The following SH3RF1 variants were observed in gnomAD, a reference collection of about 807,000 sequenced individuals.
The protein encoded by SH3RF1 is E3 ubiquitin-protein ligase SH3RF1.
Under a neutral mutation model 74.0 loss-of-function variants are expected in SH3RF1, and 32 were observed. The ratio of observed to expected loss-of-function variants is 0.43; its 90% CI spans 0.33 to 0.58. The LOEUF (loss-of-function observed/expected upper bound fraction) is 0.58. Ranked by LOEUF, SH3RF1 falls within the 20% of genes least tolerant of loss-of-function variation. The probability of loss-of-function intolerance (pLI) is 0.05; values close to 1 mark genes in which losing one functional copy is unlikely to be tolerated. For synonymous variants in SH3RF1, 396 were observed against 439.6 expected (o/e 0.90, Z 1.24); for missense variants, 954 against 1,130.9 (o/e 0.84, Z 2.24).
At chr4:169,195,510 ACTG>A (rs1219029143) in intron 2 of SH3RF1, among the ~76,000 whole-genome samples, 1 of 152,184 alleles carries the variant, frequency 6.6e-6, no homozygotes, top group Non-Finnish European at 1.5e-5. Flanking sequence ...CTATTCAAAT[ACTG>A]CGGTGCTCCA....
chr4:169,126,936 G>A (rs1462916944), intron 6 of SH3RF1, among the ~76,000 whole-genome samples: 1 of 152,204 alleles, frequency 6.6e-6, no homozygotes, highest in African/African-American at 2.4e-5. Flanking sequence ...AATTGGCCAT[G>A]AGTGGTATTT....
In SH3RF1 at chr4:169,095,429, C is replaced by A. The variant is rs1187726611; in HGVS notation, c.*1090G>T. ...ACAGGAAATCGCAATGAAATATACA[C>A]ACCATGCACAGTCTATATTACTGTG... On this transcript the variant is annotated 3_prime_UTR_variant, in exon 12 of 12. Transcript: ENST00000284637. 1 of 152,632 alleles carries A rather than the reference C, an allele frequency of 6.6e-6. No homozygotes were observed. The highest frequency in any genetic ancestry group is 1.5e-5 in the Non-Finnish European group (1 of 68,040). 9.5% of individuals were successfully genotyped at this position (152,632 alleles called of 1,614,324 possible).
chr4:169,177,266 T>G (rs1220754930), intron 2 of SH3RF1, among the ~76,000 whole-genome samples: 2 of 152,212 alleles, frequency 1.3e-5, no homozygotes, highest in Non-Finnish European at 2.9e-5. Context: ...TGGTTTTGCT[T>G]ATCTTTCTGC....
At chr4:169,261,116 A>G (rs1048821503) in intron 2 of SH3RF1, among the ~76,000 whole-genome samples, 4 of 152,180 alleles carry the variant, frequency 2.6e-5, no homozygotes, top group Non-Finnish European at 4.4e-5. Context: ...ACCACTCTGC[A>G]TGGAGCTTAG....
chr4:169,269,188 G>T lies in SH3RF1; in HGVS notation c.25C>A (p.Leu9Ile), dbSNP rs745900126. 2 of 1,594,986 alleles carry T rather than the reference G, an allele frequency of 1.3e-6. No homozygotes were observed. The highest frequency in any genetic ancestry group is 2.2e-5 in the East Asian group (1 of 44,702). MDESALLD[L>I]LECPVCLERL... ...TCTAGACACACCGGACACTCCAAAA[G>T]ATCCAACAAGGCTGATTCATCCATC... is the stretch of plus-strand genomic sequence containing the variant. The change falls in exon 2 of 12, where the codon CTT (leucine) becomes ATT (isoleucine). Residue 9 changes from leucine to isoleucine, a missense_variant. Physicochemically the swap from Leu to Ile is conservative, Grantham distance 5. Coordinates refer to ENST00000284637, the MANE Select transcript of SH3RF1 (RefSeq NM_020870.4).
At chr4:169,240,956 C>T (rs1276704485) in intron 2 of SH3RF1, among the ~76,000 whole-genome samples, 1 of 152,142 alleles carries the variant, frequency 6.6e-6, no homozygotes, top group Non-Finnish European at 1.5e-5. Context: ...CCAGGCCGGG[C>T]GTGGTGGCTC....
Position 169,136,560 on chromosome 4 carries a change from C to A in SH3RF1, c.826G>T (p.Ala276Ser), listed in dbSNP as rs760101038. The change falls in exon 5 of 12, where the codon GCT (alanine) becomes TCT (serine). Residue 276 changes from alanine to serine, a missense_variant. By Grantham distance (99) the Ala-to-Ser change is moderately conservative. Transcript: ENST00000284637. ...WDKPPVPGVD[A>S]GECSSAAAQS... is the part of the protein sequence containing the mutation. ...GCTGCTGCCGAGGAACATTCTCCAG[C>A]ATCAACTCCTGGCACAGGAGGCTTA... is the stretch of plus-strand genomic sequence containing the variant. 1 of 1,600,126 alleles carries A rather than the reference C, an allele frequency of 6.2e-7. No homozygotes were observed. Among genetic ancestry groups the A allele is most frequent in the African/African-American group, 1.3e-5 (1 of 74,098 alleles).
chr4:169,122,900 G>A (rs544795122), intron 6 of SH3RF1, among the ~76,000 whole-genome samples: 2 of 152,154 alleles, frequency 1.3e-5, no homozygotes, highest in Non-Finnish European at 2.9e-5. Flanking sequence ...AAAAGCTGCT[G>A]GTTCCTTTAT....
intron 2 of SH3RF1, among the ~76,000 whole-genome samples, chr4:169,234,552 G>T (rs1342260962): frequency 1.3e-5 from 2 of 152,028 alleles, no homozygotes; most frequent in East Asian, 3.9e-4. Context: ...TGCTTTCATG[G>T]GTGAGAATTA....
chr4:169,232,409 C>T (rs1035181089), intron 2 of SH3RF1, among the ~76,000 whole-genome samples: 10 of 152,140 alleles, frequency 6.6e-5, no homozygotes, highest in Non-Finnish European at 1.3e-4. Flanking sequence ...TGTGGCGTGA[C>T]AACTGTTATT....
intron 11 of SH3RF1, 95 bp from the exon 12 acceptor site, chr4:169,096,782 G>A: frequency 8.9e-7 from 1 of 1,129,550 alleles, no homozygotes; most frequent in Non-Finnish European, 1.3e-6. Flanking sequence ...ACATAAATAG[G>A]AAATAACATT....
intron 2 of SH3RF1, among the ~76,000 whole-genome samples, chr4:169,199,256 T>C (rs911472021): frequency 6.6e-6 from 1 of 152,184 alleles, no homozygotes; most frequent in Non-Finnish European, 1.5e-5. Flanking sequence ...ATAAAAACAG[T>C]GTACAATTTC....
chr4:169,252,288 G>C (rs558273693), intron 2 of SH3RF1, among the ~76,000 whole-genome samples: 1 of 152,334 alleles, frequency 6.6e-6, no homozygotes, highest in African/African-American at 2.4e-5. Context: ...ACACAGAGTT[G>C]CTAAAATATT....
chr4:169,260,011 T>C (rs1291684528), intron 2 of SH3RF1, among the ~76,000 whole-genome samples: 2 of 152,200 alleles, frequency 1.3e-5, no homozygotes, highest in African/African-American at 2.4e-5. Flanking sequence ...TTAAGCAATA[T>C]ACTAGAGAGG....
chr4:169,186,175 C>T (rs907387914), intron 2 of SH3RF1, among the ~76,000 whole-genome samples: 1 of 152,100 alleles, frequency 6.6e-6, no homozygotes, highest in African/African-American at 2.4e-5. Context: ...GCGATGACTG[C>T]CCTATTTTCT....
At chr4:169,115,326 G>A (rs942840122) in intron 10 of SH3RF1, among the ~76,000 whole-genome samples, 42 of 152,216 alleles carry the variant, frequency 2.8e-4, no homozygotes, top group Non-Finnish European at 5.9e-4. Flanking sequence ...TGAGCTGCAG[G>A]TGAGTGAGTG....
chr4:169,185,121 A>C (rs1734581529), intron 2 of SH3RF1, among the ~76,000 whole-genome samples: 1 of 152,104 alleles, frequency 6.6e-6, no homozygotes, highest in Non-Finnish European at 1.5e-5. Context: ...TTACCTAAAA[A>C]CTGTTGTTCT....
At position 169,098,256 on chromosome 4, in the gene SH3RF1, T is replaced by C. The variant is rs72983102; in HGVS notation, c.2499-1569A>G. The stretch of plus-strand genomic sequence containing the variant: ...AGTAATGAGTAGTCAGTCATAAAGT[T>C]GATTTTGGGTTTCTACTTTCATTTG... On this transcript the variant is annotated intron_variant, in intron 11 of 11. Transcript: ENST00000284637. 9.3e-4 allele frequency among the ~76,000 whole-genome samples: 141 copies of C among 152,374 alleles called. 1 individual carries two copies. The highest frequency in any genetic ancestry group is 3.2e-3 in the African/African-American group (135 of 41,598).
chr4:169,141,130 A>G (rs551356062), intron 4 of SH3RF1, among the ~76,000 whole-genome samples: 1 of 152,212 alleles, frequency 6.6e-6, no homozygotes, highest in East Asian at 1.9e-4. Context: ...GTAAAAAGTA[A>G]AAGGCCTCAG....
Sources: gnomAD v4.1 joint callset for allele counts (sites outside exome capture counted in the v4.1 genomes callset) on GRCh38, gnomAD v4.1.1 for gene constraint, MANE v1.5 for transcripts, NCBI Gene and HGNC (gene_info 2026-07-23, HGNC 2026-07-21) for gene names.